SH3GL3: variants seen among roughly 807,000 people sequenced by gnomAD.
SH3GL3 encodes the protein SH3 domain containing GRB2 like 3, endophilin A3.
Under a neutral mutation model 47.7 loss-of-function variants are expected in SH3GL3, and 33 were observed. The ratio of observed to expected loss-of-function variants is 0.69; its 90% confidence interval spans 0.52 to 0.92. The LOEUF is 0.92. Ranked by LOEUF, SH3GL3 falls within the 40% of genes least tolerant of loss-of-function variation. The pLI is 0.00. For synonymous variants in SH3GL3, 155 were observed against 148.8 expected (o/e 1.04, Z -0.30); for missense variants, 363 against 417.8 (o/e 0.87, Z 1.14).
chr15:83,538,020 G>A (rs1344717917), intron 1 of SH3GL3, among the ~76,000 whole-genome samples: 1 of 152,190 alleles, frequency 6.6e-6, no homozygotes, highest in Non-Finnish European at 1.5e-5. Flanking sequence ...CTTCCTGGAA[G>A]TGAGATTAAT....
chr15:83,594,732 G>A (rs1229197774), intron 8 of SH3GL3, among the ~76,000 whole-genome samples: 1 of 152,140 alleles, frequency 6.6e-6, no homozygotes, highest in East Asian at 1.9e-4. Flanking sequence ...TCTTTACATG[G>A]TTAGACTGGA....
intron 4 of SH3GL3, among the ~76,000 whole-genome samples, chr15:83,569,083 G>T (rs2045694548): frequency 6.6e-6 from 1 of 152,032 alleles, no homozygotes; most frequent in Admixed American, 6.5e-5. Context: ...TTTAAATAGA[G>T]ACAGGGTTTC....
intron 6 of SH3GL3, among the ~76,000 whole-genome samples, chr15:83,582,967 T>C (rs2059868682): frequency 6.6e-6 from 1 of 152,368 alleles, no homozygotes; most frequent in Non-Finnish European, 1.5e-5. Flanking sequence ...CATCTGTTTA[T>C]GACCAGACTG....
intron 1 of SH3GL3, among the ~76,000 whole-genome samples, chr15:83,544,679 G>A (rs1304395106): frequency 2.6e-5 from 4 of 152,084 alleles, no homozygotes; most frequent in African/African-American, 9.7e-5. Context: ...GAGTATTAGG[G>A]AGTGAAAAGC....
chr15:83,570,897 G>T (rs938422421), intron 4 of SH3GL3, among the ~76,000 whole-genome samples: 3 of 152,218 alleles, frequency 2.0e-5, no homozygotes, highest in Non-Finnish European at 1.5e-5. Context: ...AGGTGAAACT[G>T]CCAGGCAGGC....
At chr15:83,626,612 T>C in the SH3GL3 span, among the ~76,000 whole-genome samples, 3 of 152,226 alleles carry the variant, frequency 2.0e-5, no homozygotes, top group South Asian at 2.1e-4. Flanking sequence ...TGGTTCTTAA[T>C]TGGGGCCTTG....
intron 1 of SH3GL3, among the ~76,000 whole-genome samples, chr15:83,513,622 C>T (rs1404733653): frequency 1.3e-5 from 2 of 152,248 alleles, no homozygotes; most frequent in East Asian, 1.9e-4. Flanking sequence ...CATGCTCCAC[C>T]GCAGACTGTA....
chr15:83,541,583 C>T (rs1448982673), intron 1 of SH3GL3, among the ~76,000 whole-genome samples: 1 of 152,008 alleles, frequency 6.6e-6, no homozygotes, highest in Non-Finnish European at 1.5e-5. Context: ...TACATCCTTA[C>T]CAAGGGTGTA....
At chr15:83,517,893 C>T (rs1567294629) in intron 1 of SH3GL3, among the ~76,000 whole-genome samples, 2 of 152,090 alleles carry the variant, frequency 1.3e-5, no homozygotes, top group Non-Finnish European at 2.9e-5. Context: ...CACCCCTCAC[C>T]TCCAGTTCTC....
At chr15:83,504,998 T>C (rs2042436161) in intron 1 of SH3GL3, among the ~76,000 whole-genome samples, 1 of 152,242 alleles carries the variant, frequency 6.6e-6, no homozygotes. Context: ...TATACATGTA[T>C]TTTAAAATTG....
chr15:83,619,626 TAAAA>T (rs2060905067), downstream of SH3GL3, among the ~76,000 whole-genome samples: 1 of 152,094 alleles, frequency 6.6e-6, no homozygotes, highest in East Asian at 1.9e-4. Flanking sequence ...GCATATGTCT[TAAAA>T]AAACAAACTA....
intron 8 of SH3GL3, among the ~76,000 whole-genome samples, chr15:83,617,239 T>C (rs928692246): frequency 6.6e-5 from 10 of 152,246 alleles, no homozygotes; most frequent in Admixed American, 4.6e-4. Flanking sequence ...TAAATATTCT[T>C]GCCTTTCTTG....
intron 8 of SH3GL3, among the ~76,000 whole-genome samples, chr15:83,615,666 A>G (rs746450954): frequency 1.2e-4 from 19 of 152,212 alleles, no homozygotes; most frequent in Non-Finnish European, 2.5e-4. Context: ...ACTGTTACCA[A>G]AATGAGTCAG....
chr15:83,597,695 C>T (rs1443637473), intron 8 of SH3GL3, among the ~76,000 whole-genome samples: 7 of 151,826 alleles, frequency 4.6e-5, no homozygotes, highest in African/African-American at 1.2e-4. Flanking sequence ...CTGCAACCTC[C>T]GCCTCCCAGG....
the SH3GL3 span, among the ~76,000 whole-genome samples, chr15:83,630,966 T>G: frequency 6.6e-6 from 1 of 152,116 alleles, no homozygotes; most frequent in African/African-American, 2.4e-5. Context: ...CTTTCACCTA[T>G]GATCCTGCAA....
chr15:83,541,959 A>G (rs1478708693), intron 1 of SH3GL3, among the ~76,000 whole-genome samples: 2 of 152,084 alleles, frequency 1.3e-5, no homozygotes, highest in African/African-American at 4.8e-5. Flanking sequence ...CTATGCAGAA[A>G]CTTTTTAACT....
At chr15:83,520,045 G>A (rs1048327375) in intron 1 of SH3GL3, among the ~76,000 whole-genome samples, 3 of 152,086 alleles carry the variant, frequency 2.0e-5, no homozygotes, top group East Asian at 1.9e-4. Flanking sequence ...CCAGAGTATC[G>A]GCATCTTCTT....
intron 1 of SH3GL3, among the ~76,000 whole-genome samples, chr15:83,544,776 A>G (rs190743180): frequency 5.6e-4 from 85 of 152,260 alleles, no homozygotes; most frequent in Non-Finnish European, 9.3e-4. Flanking sequence ...TGTTTGAAGG[A>G]TATTTTTGTA....
chr15:83,540,373 AT>A (rs2044099998), intron 1 of SH3GL3, among the ~76,000 whole-genome samples: 1 of 152,164 alleles, frequency 6.6e-6, no homozygotes, highest in South Asian at 2.1e-4. Context: ...TGAAAGGTGT[AT>A]TAAAATATTT....
Sources: allele counts gnomAD v4.1 joint callset (sites outside exome capture counted in the v4.1 genomes callset), GRCh38; gene constraint gnomAD v4.1.1; transcripts MANE v1.5; gene names NCBI Gene and HGNC (gene_info 2026-07-23, HGNC 2026-07-21).